The following RALYL variants were observed in gnomAD, a reference collection of about 807,000 sequenced individuals.
RALYL encodes RNA-binding Raly-like protein.
Under a neutral mutation model 35.1 loss-of-function variants are expected in RALYL, and 29 were observed. The ratio of observed to expected loss-of-function variants is 0.83; its 90% CI spans 0.61 to 1.13. The LOEUF (loss-of-function observed/expected upper bound fraction) is 1.13. Among genes scored for constraint, RALYL ranks in the 50% most tolerant of loss-of-function variants. The probability of loss-of-function intolerance (pLI) is 0.00; values close to 1 mark genes in which losing one functional copy is unlikely to be tolerated. For synonymous variants in RALYL, 120 were observed against 127.6 expected, an observed-to-expected ratio of 0.94 and a Z score of 0.40; for missense variants, 359 against 360.4, an observed-to-expected ratio of 1.00 and a Z score of 0.03.
chr8:84,227,321 G>A (rs1488629493), intron 1 of RALYL, among the ~76,000 whole-genome samples: 3 of 151,748 alleles, frequency 2.0e-5, no homozygotes, highest in Non-Finnish European at 2.9e-5. Context: ...GTCTCTCAAA[G>A]TGCTGGGATT....
At chr8:84,210,527 C>A (rs1301457881) in intron 1 of RALYL, among the ~76,000 whole-genome samples, 4 of 151,878 alleles carry the variant, frequency 2.6e-5, no homozygotes. Context: ...TAAATATGTA[C>A]AGGCGCTTAT....
At chr8:84,801,742 G>A (rs772856868) in intron 3 of RALYL, among the ~76,000 whole-genome samples, 1 of 152,172 alleles carries the variant, frequency 6.6e-6, no homozygotes, top group Non-Finnish European at 1.5e-5. Context: ...TGTTTAGTTA[G>A]AGAAGCAGTA....
intron 1 of RALYL, among the ~76,000 whole-genome samples, chr8:84,521,811 G>T (rs1564078541): frequency 6.6e-6 from 1 of 151,960 alleles, no homozygotes; most frequent in African/African-American, 2.4e-5. Flanking sequence ...TATAACTATA[G>T]TTGTAACATT....
chr8:84,730,605 G>T (rs537532804), intron 2 of RALYL, among the ~76,000 whole-genome samples: 33 of 152,206 alleles, frequency 2.2e-4, no homozygotes, highest in Non-Finnish European at 1.0e-4. Flanking sequence ...GTCCCTGTTG[G>T]CAGACGACAT....
At chr8:84,651,118 G>A (rs1298867954) in intron 2 of RALYL, among the ~76,000 whole-genome samples, 1 of 151,938 alleles carries the variant, frequency 6.6e-6, no homozygotes, top group African/African-American at 2.4e-5. Context: ...TATACCTAAT[G>A]CTAAATGATG....
At chr8:84,898,297 T>C (rs149540965) in intron 8 of RALYL, among the ~76,000 whole-genome samples, 2 of 152,282 alleles carry the variant, frequency 1.3e-5, no homozygotes, top group African/African-American at 4.8e-5. Context: ...CTACTGAAGT[T>C]CGAGAACCCT....
intron 2 of RALYL, among the ~76,000 whole-genome samples, chr8:84,622,272 T>C (rs1396355323): frequency 6.6e-6 from 1 of 152,180 alleles, no homozygotes; most frequent in Non-Finnish European, 1.5e-5. Flanking sequence ...TCCCAAAGTA[T>C]ATTTCAGCAT....
At chr8:84,746,221 A>G (rs938165732) in intron 2 of RALYL, among the ~76,000 whole-genome samples, 1 of 152,060 alleles carries the variant, frequency 6.6e-6, no homozygotes, top group Non-Finnish European at 1.5e-5. Context: ...AATAGCAAAA[A>G]CAATCAATGT....
chr8:84,371,757 A>T (rs1855770812), intron 1 of RALYL, among the ~76,000 whole-genome samples: 1 of 152,092 alleles, frequency 6.6e-6, no homozygotes. Flanking sequence ...TCTAAAGATA[A>T]ATCCTTTGAA....
chr8:84,518,586 T>G (rs2058233694), intron 1 of RALYL, among the ~76,000 whole-genome samples: 1 of 152,244 alleles, frequency 6.6e-6, no homozygotes, highest in African/African-American at 2.4e-5. Flanking sequence ...TTTTGTTTGC[T>G]GCCTAATGCA....
At chr8:84,575,436 T>G (rs1232442791) in intron 2 of RALYL, among the ~76,000 whole-genome samples, 3 of 152,218 alleles carry the variant, frequency 2.0e-5, no homozygotes, top group African/African-American at 7.2e-5. Context: ...AAATTTTTAA[T>G]GAAATAATTT....
intron 1 of RALYL, among the ~76,000 whole-genome samples, chr8:84,184,722 G>A (rs1679894218): frequency 6.6e-6 from 1 of 151,962 alleles, no homozygotes; most frequent in South Asian, 2.1e-4. Context: ...TGCGCTGCGG[G>A]CCGCGCCGGC....
At chr8:84,353,027 G>A (rs933650718) in intron 1 of RALYL, among the ~76,000 whole-genome samples, 1 of 150,060 alleles carries the variant, frequency 6.7e-6, no homozygotes, top group Non-Finnish European at 1.5e-5. Context: ...GGACACCTGC[G>A]GACTTGAAAG....
intron 1 of RALYL, among the ~76,000 whole-genome samples, chr8:84,194,602 A>C (rs1447590173): frequency 1.3e-5 from 2 of 152,180 alleles, no homozygotes; most frequent in Non-Finnish European, 2.9e-5. Context: ...AAAGAAAGCT[A>C]TGGAGTATTT....
intron 1 of RALYL, chr8:84,184,972 G>T: frequency 6.2e-7 from 1 of 1,613,736 alleles, no homozygotes; most frequent in South Asian, 1.1e-5. Context: ...GCCCTCGCAC[G>T]CTCAACTCCT....
intron 2 of RALYL, among the ~76,000 whole-genome samples, chr8:84,691,132 A>C (rs956670189): frequency 5.3e-5 from 8 of 152,088 alleles, no homozygotes; most frequent in Non-Finnish European, 1.0e-4. Flanking sequence ...TAAACCTAAA[A>C]GTTAAAATTA....
chr8:84,573,072 G>GT (rs1184812186), intron 2 of RALYL, among the ~76,000 whole-genome samples: 2 of 150,424 alleles, frequency 1.3e-5, no homozygotes, highest in Non-Finnish European at 3.0e-5. Flanking sequence ...ACCTTTTATT[G>GT]TTTTTTCCTA....
chr8:84,406,199 T>G (rs1303468738), intron 1 of RALYL, among the ~76,000 whole-genome samples: 1 of 152,166 alleles, frequency 6.6e-6, no homozygotes, highest in East Asian at 1.9e-4. Context: ...GAGCATTACT[T>G]TTTTCATGTT....
intron 5 of RALYL, among the ~76,000 whole-genome samples, chr8:84,858,760 A>T (rs1837532432): frequency 1.3e-5 from 2 of 152,166 alleles, no homozygotes; most frequent in Admixed American, 6.5e-5. Flanking sequence ...TATTTTGAAG[A>T]ACCCCTATAT....
Sources: gnomAD v4.1 joint callset for allele counts (sites outside exome capture counted in the v4.1 genomes callset) on GRCh38, gnomAD v4.1.1 for gene constraint, MANE v1.5 for transcripts, NCBI Gene and HGNC (gene_info 2026-07-23, HGNC 2026-07-21) for gene names.